Variants in SURF4 observed in about 807,000 individuals in gnomAD.
SURF4 encodes surfeit 4, also known as surfeit locus protein 4.
In SURF4, 3 loss-of-function variants were observed where a neutral mutation model predicts 30.0. That is an observed-to-expected ratio of 0.10 (90% CI 0.05 to 0.26). The LOEUF is 0.26. SURF4 is among the 10% of genes least tolerant of loss of function. The pLI is 1.00. For synonymous variants in SURF4, 143 were observed against 139.9 expected, an observed-to-expected ratio of 1.02 and a Z score of -0.16; for missense variants, 217 against 350.8, an observed-to-expected ratio of 0.62 and a Z score of 3.05.
Position 133,363,968 on chromosome 9 carries a change from TG to T in SURF4, c.544-210del, listed in dbSNP as rs1837002675. On this transcript the variant is annotated intron_variant, in intron 5 of 5. Coordinates refer to ENST00000371989, the MANE Select transcript of SURF4 (RefSeq NM_033161.4). This position sits in a 1 kb window ranked among gnomAD's most constrained non-coding sequence, Gnocchi z 4.3. ...CACCAGCTTTGAAATGTGGAAGGTT[TG>T]GGGAAGACTGAAGTTCCCAACTAGT... 4 of 726,780 alleles carry T rather than the reference TG, an allele frequency of 5.5e-6. No homozygotes were observed. The highest frequency in any genetic ancestry group is 1.0e-5 in the Non-Finnish European group (4 of 396,880). The allele number at this position is 726,780 out of a possible 1,614,324, so 45.0% of individuals were successfully genotyped here.
At chr9:133,373,814 G>T (rs923606660) in intron 1 of SURF4, among the ~76,000 whole-genome samples, 1 of 142,506 alleles carries the variant, frequency 7.0e-6, no homozygotes. Context: ...CAGCTACTTC[G>T]GGCTGAGGCA....
rs1183296718 is a variant in SURF4 at position 133,363,783 on chromosome 9, AT to A, written c.544-25del. The A allele has an allele frequency of 1.5e-5, 24 of 1,613,178 alleles. No homozygotes were observed. Among genetic ancestry groups the A allele is most frequent in the South Asian group, 9.9e-5 (9 of 91,036 alleles). ...ATCTGCATAGGTTGAAACGTAAGAA[AT>A]TCAAAATAAATGTGAGGAAAAGAGA... On this transcript the variant is annotated intron_variant, in intron 5 of 5. Transcript: ENST00000371989. The surrounding 1 kb of genome is among the most constrained non-coding windows in gnomAD (Gnocchi z 4.3).
At chr9:133,371,725 A>G (rs1299998135) in intron 1 of SURF4, among the ~76,000 whole-genome samples, 1 of 152,174 alleles carries the variant, frequency 6.6e-6, no homozygotes, top group Non-Finnish European at 1.5e-5. Context: ...CACTGTCACC[A>G]GGACTTTGCC....
At chr9:133,366,261 C>G (rs2130125098) in intron 3 of SURF4, among the ~76,000 whole-genome samples, 3 of 152,186 alleles carry the variant, frequency 2.0e-5, no homozygotes, top group Non-Finnish European at 2.9e-5. Context: ...GATGTGGATT[C>G]AGATATTCTG....
Position 133,363,439 on chromosome 9 carries a change from A to G in SURF4, c.*54T>C. On this transcript the variant is annotated 3_prime_UTR_variant, in exon 6 of 6. Transcript: ENST00000371989. This position sits in a 1 kb window ranked among gnomAD's most constrained non-coding sequence, Gnocchi z 4.3. ...TGGCAGTTTTGTTGAATCCACCCCGAACCAGTCCTTGACGGCCACGGGTCT... is the reference window on the plus strand; with the variant it reads ...TGGCAGTTTTGTTGAATCCACCCCGGACCAGTCCTTGACGGCCACGGGTCT... 2 of 1,614,136 alleles carry G rather than the reference A, an allele frequency of 1.2e-6. No individual in the cohort carries two copies. Among genetic ancestry groups the G allele is most frequent in the African/African-American group, 2.7e-5 (2 of 75,066 alleles).
chr9:133,373,508 CAGG>C (rs1397312055), intron 1 of SURF4, among the ~76,000 whole-genome samples: 1 of 151,840 alleles, frequency 6.6e-6, no homozygotes, highest in African/African-American at 2.4e-5. Context: ...GAGGCTGAGG[CAGG>C]AGAATAGCTT....
intron 1 of SURF4, among the ~76,000 whole-genome samples, chr9:133,369,575 C>T (rs2130170971): frequency 2.6e-5 from 4 of 152,306 alleles, no homozygotes; most frequent in African/African-American, 4.8e-5. Flanking sequence ...TGCAGAGAAC[C>T]AGCACAAGAT....
At chr9:133,375,875 C>G in intron 1 of SURF4, 47 bp downstream of exon 1, 2 of 1,216,484 alleles carry the variant, frequency 1.6e-6, no homozygotes, top group Non-Finnish European at 2.0e-6. Context: ...GCGGCCCGGG[C>G]GGCCTGGGTC....
At chr9:133,368,448 G>A (rs1031232756) in intron 1 of SURF4, among the ~76,000 whole-genome samples, 10 of 152,238 alleles carry the variant, frequency 6.6e-5, no homozygotes, top group African/African-American at 2.2e-4. Flanking sequence ...AGGATCTGAC[G>A]TGGGGACTGT....
At position 133,363,675 on chromosome 9, in the gene SURF4, C is replaced by A. The variant is rs2130090621; in HGVS notation, c.628G>T (p.Val210Leu). 1 of 1,614,192 alleles carries A rather than the reference C, an allele frequency of 6.2e-7. No individual in the cohort carries two copies. Among genetic ancestry groups the A allele is most frequent in the Non-Finnish European group, 8.5e-7 (1 of 1,180,036 alleles). The change falls in exon 6 of 6, where the codon GTG becomes TTG. Residue 210 changes from valine (V) to leucine (L), a missense_variant. Val to Leu is a conservative substitution (Grantham distance 32, BLOSUM62 1). Transcript: ENST00000371989. The surrounding 1 kb of genome is among the most constrained non-coding windows in gnomAD (Gnocchi z 4.3). Reference sequence around the variant, plus strand: ...TATACGTTGATGGCAAAGAGCCACACAACAAGAGTCAAAGCAGCCAGCTTG... The same window carrying A: ...TATACGTTGATGGCAAAGAGCCACAAAACAAGAGTCAAAGCAGCCAGCTTG... ...KTKLAALTLV[V>L]WLFAINVYFN...
upstream of SURF4, chr9:133,376,325 G>T: frequency 7.3e-7 from 1 of 1,362,432 alleles, no homozygotes; most frequent in Non-Finnish European, 9.4e-7. Flanking sequence ...TAAGGGGGCG[G>T]GGACCTGGGG....
At chr9:133,371,267 C>G (rs1837489949) in intron 1 of SURF4, 3 of 308,936 alleles carry the variant, frequency 9.7e-6, no homozygotes, top group African/African-American at 2.3e-5. Context: ...AAGCCCAACT[C>G]AGGTCCCACA....
At chr9:133,371,199 C>T (rs1837485750) in intron 1 of SURF4, 2 of 925,124 alleles carry the variant, frequency 2.2e-6, no homozygotes, top group South Asian at 5.0e-5. Flanking sequence ...ATGTGAACAT[C>T]GACGAAAAAG....
upstream of SURF4, among the ~76,000 whole-genome samples, chr9:133,376,828 G>A (rs2130251680): frequency 7.9e-5 from 12 of 152,148 alleles, no homozygotes; most frequent in Non-Finnish European, 1.3e-4. Flanking sequence ...TCTATCCTTC[G>A]TGCCTGGGGT....
upstream of SURF4, among the ~76,000 whole-genome samples, chr9:133,377,036 C>T (rs1837988322): frequency 2.6e-5 from 4 of 152,290 alleles, no homozygotes; most frequent in Middle Eastern, 3.4e-3. Context: ...ATGATATATA[C>T]ACTTTATTAA....
chr9:133,363,216 C>G lies in SURF4; in HGVS notation c.*277G>C. 1 of 625,424 alleles carries G rather than the reference C, an allele frequency of 1.6e-6. No homozygotes were observed. The highest frequency in any genetic ancestry group is 2.7e-5 in the East Asian group (1 of 36,374). 38.7% of individuals were successfully genotyped at this position (625,424 alleles called of 1,614,324 possible). ...AAAAATAGGACTGAGATGCCACAGC[C>G]AAGCGGGCTGTTCACTCCAAAGCCT... On this transcript the variant is annotated 3_prime_UTR_variant, in exon 6 of 6. Coordinates refer to ENST00000371989, the MANE Select transcript of SURF4 (RefSeq NM_033161.4). This position sits in a 1 kb window ranked among gnomAD's most constrained non-coding sequence, Gnocchi z 4.3.
intron 1 of SURF4, chr9:133,370,858 A>T (rs2130183375): frequency 9.3e-6 from 12 of 1,289,350 alleles, no homozygotes; most frequent in South Asian, 2.5e-5. Context: ...TGCAGGAAGA[A>T]GATGACAGTT....
Position 133,376,029 on chromosome 9 carries a change from C to A in SURF4, c.-60G>T, listed in dbSNP as rs2130244186. On this transcript the variant is annotated 5_prime_UTR_variant, in exon 1 of 6. Coordinates refer to ENST00000371989, the MANE Select transcript of SURF4 (RefSeq NM_033161.4). ...TCGCTCGCTGGCTCTCGCCCGTCGGCGCCCGCACCCGCTGCGGCCTCCACA... is the reference window on the plus strand; with the variant it reads ...TCGCTCGCTGGCTCTCGCCCGTCGGAGCCCGCACCCGCTGCGGCCTCCACA... 44 of 1,215,324 alleles carry A rather than the reference C, an allele frequency of 3.6e-5. No individual in the cohort carries two copies. The East Asian group carries it at 1.3e-3, about 37-fold the overall frequency. 75.3% of individuals were successfully genotyped at this position (1,215,324 alleles called of 1,614,324 possible). A position where few individuals can be genotyped will look rare whatever the true frequency, so the allele number is the denominator to read the frequency against.
chr9:133,376,043 G>A lies in SURF4; in HGVS notation c.-74C>T. 3 of 1,210,318 alleles carry A rather than the reference G, an allele frequency of 2.5e-6. No homozygotes were observed. Among genetic ancestry groups the A allele is most frequent in the Non-Finnish European group, 3.1e-6 (3 of 973,428 alleles). The allele number at this position is 1,210,318 out of a possible 1,614,324, so 75.0% of individuals were successfully genotyped here. ...TCGCCCGTCGGCGCCCGCACCCGCT[G>A]CGGCCTCCACAGGAAGTGCCCGGCG... On this transcript the variant is annotated 5_prime_UTR_variant, in exon 1 of 6. Transcript: ENST00000371989.
Sources: allele counts gnomAD v4.1 joint callset (sites outside exome capture counted in the v4.1 genomes callset), GRCh38; gene constraint gnomAD v4.1.1; non-coding constraint Gnocchi (gnomAD v3.1); transcripts MANE v1.5; gene names NCBI Gene and HGNC (gene_info 2026-07-23, HGNC 2026-07-21).